The following MEIS1 variants were observed in gnomAD, a reference collection of about 807,000 sequenced individuals.
MEIS1 encodes the protein homeobox protein Meis1.
Under a neutral mutation model 50.8 loss-of-function variants are expected in MEIS1, and 5 were observed. The ratio of observed to expected loss-of-function variants is 0.10; its 90% confidence interval spans 0.05 to 0.21. The LOEUF (loss-of-function observed/expected upper bound fraction) is 0.21, where lower values mean the gene tolerates loss of function less well. Ranked by LOEUF, MEIS1 falls within the 10% of genes least tolerant of loss-of-function variation. MEIS1 has a pLI of 1.00. For missense variants in MEIS1, 318 were observed against 517.3 expected (o/e 0.61, Z 3.74); for synonymous variants, 176 against 179.3 (o/e 0.98, Z 0.15).
At chr2:66,528,719 C>T (rs1034902138) in intron 8 of MEIS1, among the ~76,000 whole-genome samples, 1 of 152,168 alleles carries the variant, frequency 6.6e-6, no homozygotes, top group African/African-American at 2.4e-5. Context: ...TAACATTGGT[C>T]CCTTATAAAC....
intron 7 of MEIS1, among the ~76,000 whole-genome samples, chr2:66,507,922 G>T (rs1673723655): frequency 6.6e-6 from 1 of 152,222 alleles, no homozygotes; most frequent in Non-Finnish European, 1.5e-5. Context: ...TGCTCCGTAG[G>T]GACAGGCCCA....
intron 8 of MEIS1, among the ~76,000 whole-genome samples, chr2:66,531,615 T>C (rs1674391945): frequency 6.6e-6 from 1 of 152,214 alleles, no homozygotes; most frequent in Non-Finnish European, 1.5e-5. Context: ...ACGTACACGG[T>C]TACACAACGC....
chr2:66,568,749 A>C lies in MEIS1; in HGVS notation c.1107A>C (p.Arg369Ser). The part of the protein sequence containing the change: ...VMDGQQHMGI[R>S]APGPMSGMGM... ...ACGGTCAGCAACATATGGGAATTAG[A>C]GCACCAGGTAAGACTTTGTTTTTGT... Residue 369 changes from arginine (R) to serine (S), a missense_variant, in exon 11 of 13, where the codon AGA becomes AGC. Coordinates refer to ENST00000272369, the MANE Select transcript of MEIS1 (RefSeq NM_002398.3). The C allele has an allele frequency of 6.2e-7, 1 of 1,613,592 alleles. No homozygotes were observed.
rs866781594 is a variant in MEIS1, at chr2:66,573,047, G to A, written c.*1839G>A. 1 of 152,072 alleles carries A rather than the reference G, an allele frequency of 6.6e-6. No individual in the cohort carries two copies. The highest frequency in any genetic ancestry group is 1.5e-5 in the Non-Finnish European group (1 of 68,020). 9.4% of individuals were successfully genotyped at this position (152,072 alleles called of 1,614,324 possible). A position where few individuals can be genotyped will look rare whatever the true frequency, so the allele number is the denominator to read the frequency against. ...AGTGAAATTATTCTTGCACATAAAG[G>A]CAAACCTAAGTACAAAGTTAAGTCT... On this transcript the variant is annotated 3_prime_UTR_variant, in exon 13 of 13. Transcript: ENST00000272369.
At chr2:66,555,280 C>CTCTCTCTCTCTCTCTCCCTCT (rs10695722) in intron 9 of MEIS1, among the ~76,000 whole-genome samples, 2 of 133,848 alleles carry the variant, frequency 1.5e-5, no homozygotes, top group African/African-American at 5.7e-5. Flanking sequence ...CTCTCTCTCT[C>CTCTCTCTCTCTCTCTCCCTCT]GTCTCTCTCC....
intron 9 of MEIS1, among the ~76,000 whole-genome samples, chr2:66,557,114 A>G (rs1276468274): frequency 6.6e-6 from 1 of 152,196 alleles, no homozygotes; most frequent in Admixed American, 6.5e-5. Flanking sequence ...AAAATTTTAG[A>G]AACCCTATGC....
chr2:66,477,601 G>A (rs1185770197), intron 7 of MEIS1, among the ~76,000 whole-genome samples: 1 of 152,182 alleles, frequency 6.6e-6, no homozygotes, highest in Non-Finnish European at 1.5e-5. Flanking sequence ...TGGAGACCAG[G>A]GGCTGGGTGG....
intron 6 of MEIS1, among the ~76,000 whole-genome samples, chr2:66,455,818 C>T (rs1331138482): frequency 6.6e-6 from 1 of 152,164 alleles, no homozygotes; most frequent in Non-Finnish European, 1.5e-5. Flanking sequence ...CTTTAAATTC[C>T]ATTACAATGT....
intron 10 of MEIS1, chr2:66,568,103 G>C (rs948317157): frequency 6.8e-6 from 1 of 147,914 alleles, no homozygotes; most frequent in African/African-American, 2.7e-5. Flanking sequence ...TCTGGTGTTC[G>C]ACTTTTTTTT....
chr2:66,442,033 G>C (rs1270551043), intron 5 of MEIS1, among the ~76,000 whole-genome samples: 1 of 152,074 alleles, frequency 6.6e-6, no homozygotes, highest in Non-Finnish European at 1.5e-5. Context: ...TCTTGAATCT[G>C]TGAATCCTGC....
chr2:66,530,910 A>G (rs1572882544), intron 8 of MEIS1, among the ~76,000 whole-genome samples: 1 of 152,360 alleles, frequency 6.6e-6, no homozygotes, highest in Non-Finnish European at 1.5e-5. Context: ...CAAAGTTGTT[A>G]TTGATAACCT....
At chr2:66,460,248 AAGG>A (rs1672487360) in intron 6 of MEIS1, among the ~76,000 whole-genome samples, 1 of 152,142 alleles carries the variant, frequency 6.6e-6, no homozygotes, top group Admixed American at 6.5e-5. Context: ...TGAGCTAGGA[AAGG>A]AGAAGACAGA....
chr2:66,555,280 C>CTCTCTCTCTCTCTCTCTCTCTCTCTCTCT (rs10695722), intron 9 of MEIS1, among the ~76,000 whole-genome samples: 2 of 133,848 alleles, frequency 1.5e-5, no homozygotes, highest in African/African-American at 2.9e-5. Context: ...CTCTCTCTCT[C>CTCTCTCTCTCTCTCTCTCTCTCTCTCTCT]GTCTCTCTCC....
At chr2:66,560,557 C>T (rs1207485144) in intron 9 of MEIS1, among the ~76,000 whole-genome samples, 2 of 149,220 alleles carry the variant, frequency 1.3e-5, no homozygotes, top group Non-Finnish European at 3.0e-5. Flanking sequence ...ACACTCCAGC[C>T]TGGGCAACAG....
chr2:66,482,898 C>G (rs1319123735), intron 7 of MEIS1, among the ~76,000 whole-genome samples: 4 of 152,112 alleles, frequency 2.6e-5, no homozygotes, highest in Admixed American at 6.5e-5. Flanking sequence ...GGAAGCAACC[C>G]AATATTGGTC....
chr2:66,545,395 G>A (rs1326179774), intron 8 of MEIS1, among the ~76,000 whole-genome samples: 1 of 152,160 alleles, frequency 6.6e-6, no homozygotes, highest in Non-Finnish European at 1.5e-5. Flanking sequence ...TCAAAATTGA[G>A]CTTGTCTTCT....
At chr2:66,552,274 G>A (rs558245842) in intron 9 of MEIS1, among the ~76,000 whole-genome samples, 20 of 151,966 alleles carry the variant, frequency 1.3e-4, no homozygotes, top group Non-Finnish European at 1.5e-4. Context: ...TTTGGCCTAG[G>A]GTGTACTGAA....
chr2:66,494,016 A>AG (rs1673336276), intron 7 of MEIS1, among the ~76,000 whole-genome samples: 1 of 152,194 alleles, frequency 6.6e-6, no homozygotes, highest in Admixed American at 6.5e-5. Flanking sequence ...CTGAAAAAAA[A>AG]GTCTTATCTT....
intron 7 of MEIS1, among the ~76,000 whole-genome samples, chr2:66,477,131 G>T (rs573352960): frequency 1.3e-5 from 2 of 152,292 alleles, no homozygotes; most frequent in South Asian, 4.2e-4. Context: ...TTGGAAATGT[G>T]AGGGTTGTGG....
Sources: allele counts gnomAD v4.1 joint callset (sites outside exome capture counted in the v4.1 genomes callset), GRCh38; gene constraint gnomAD v4.1.1; transcripts MANE v1.5; gene names NCBI Gene and HGNC (gene_info 2026-07-23, HGNC 2026-07-21).